RTKN: variants seen among roughly 807,000 people sequenced by gnomAD.
RTKN encodes rhotekin.
In RTKN, 49 loss-of-function variants were observed where a neutral mutation model predicts 63.5. That is an observed-to-expected ratio of 0.77 (90% CI 0.61 to 0.98). The LOEUF is 0.98. Ranked by LOEUF, RTKN falls within the 50% of genes least tolerant of loss-of-function variation. The pLI is 0.00. For missense variants in RTKN, 685 were observed against 740.8 expected (o/e 0.92, Z 0.87); for synonymous variants, 295 against 290.4 (o/e 1.02, Z -0.16).
rs577888188 is a variant in RTKN at position 74,436,935 on chromosome 2, C to T, written c.112-4269G>A. The stretch of plus-strand genomic sequence containing the variant: ...GGGCAGCATTTCCCCTGGGAAAGAG[C>T]GCAGAGCTGGGTGTCAGCTGGACCC... On this transcript the variant is annotated intron_variant, in intron 1 of 11. Transcript: ENST00000272430. The surrounding 1 kb of genome is among the most constrained non-coding windows in gnomAD (Gnocchi z 4.3). 7.2e-5 allele frequency among the ~76,000 whole-genome samples: 11 copies of T among 152,156 alleles called. No homozygotes were observed. Among genetic ancestry groups the T allele is most frequent in the South Asian group, 6.2e-4 (3 of 4,832 alleles).
At chr2:74,431,649 G>A (rs925367321) in intron 2 of RTKN, 2 of 152,406 alleles carry the variant, frequency 1.3e-5, no homozygotes, top group African/African-American at 4.8e-5. Context: ...TAGCCATACA[G>A]TGGGTTTTCT....
chr2:74,427,261 T>G lies in RTKN; in HGVS notation c.1268A>C (p.Gln423Pro). The G allele has an allele frequency of 6.2e-7, 1 of 1,614,190 alleles. No individual in the cohort carries two copies. Among genetic ancestry groups the G allele is most frequent in the South Asian group, 1.1e-5 (1 of 91,084 alleles). The change falls in exon 11 of 12, where the codon CAG becomes CCG. Residue 423 changes from glutamine to proline, a missense_variant. Transcript: ENST00000272430. ...QLFFDMSQWK[Q>P]CCDEIMKIET... ...AATTTTCATGATTTCATCACAGCAC[T>G]GCTTCCATTGGCCTGGAAGAAGAGC...
intron 5 of RTKN, 51 bp from the exon 6 acceptor site, chr2:74,430,088 AGGGTAGGGGAT>A (rs780314339): frequency 6.2e-7 from 1 of 1,600,276 alleles, no homozygotes; most frequent in Non-Finnish European, 8.6e-7. Flanking sequence ...AGGGAGGCAG[AGGGTAGGGGAT>A]GTGGGTGAGG....
rs555005934 is a variant in RTKN, at chr2:74,432,965, C to T, written c.112-299G>A. Among the ~76,000 whole-genome samples, 21 of 152,166 alleles carry T rather than the reference C, an allele frequency of 1.4e-4. 1 individual carries two copies. The highest frequency in any genetic ancestry group is 1.0e-3 in the South Asian group (5 of 4,820). ...CACCTCTAAAAAAATATATAACAGC[C>T]GGGCACGGTGGCTCACGCCTGTAAT... On this transcript the variant is annotated intron_variant, in intron 1 of 11. Transcript: ENST00000272430.
At chr2:74,438,216 C>G (rs1471787852) in intron 1 of RTKN, among the ~76,000 whole-genome samples, 1 of 152,180 alleles carries the variant, frequency 6.6e-6, no homozygotes, top group Non-Finnish European at 1.5e-5. Flanking sequence ...AGCCACACCA[C>G]CCAGTTGCTT....
intron 1 of RTKN, among the ~76,000 whole-genome samples, chr2:74,438,604 A>G (rs1671181193): frequency 6.6e-6 from 1 of 152,226 alleles, no homozygotes; most frequent in Admixed American, 6.5e-5. Flanking sequence ...AAGGCCCTGC[A>G]TGATCTGGCC....
intron 1 of RTKN, chr2:74,439,567 A>G (rs1278109787): frequency 6.2e-7 from 1 of 1,614,056 alleles, no homozygotes; most frequent in Non-Finnish European, 8.5e-7. Context: ...GCTGAGTGCC[A>G]TCTGCCGAAT....
chr2:74,438,806 G>C (rs1247232939), intron 1 of RTKN, among the ~76,000 whole-genome samples: 2 of 152,054 alleles, frequency 1.3e-5, no homozygotes, highest in Non-Finnish European at 2.9e-5. Flanking sequence ...ATCTAACATT[G>C]CCTCCCTCAT....
At chr2:74,430,773 T>C in intron 2 of RTKN, 96 bp from the exon 3 acceptor site, 1 of 1,249,220 alleles carries the variant, frequency 8.0e-7, no homozygotes, top group Non-Finnish European at 1.1e-6. Context: ...TCCCAGCGCC[T>C]CAGCCACCAG....
At chr2:74,441,009 C>T (rs975841731) in intron 1 of RTKN, among the ~76,000 whole-genome samples, 8 of 152,252 alleles carry the variant, frequency 5.3e-5, no homozygotes, top group African/African-American at 1.4e-4. Context: ...TCTCAGTCCC[C>T]GCTCAACCAC....
At position 74,426,476 on chromosome 2, in the gene RTKN, T is replaced by C. The variant is rs751702065; in HGVS notation, c.1459A>G (p.Thr487Ala). The C allele has an allele frequency of 6.2e-7, 1 of 1,605,144 alleles. No individual in the cohort carries two copies. Among genetic ancestry groups the C allele is most frequent in the Non-Finnish European group, 8.5e-7 (1 of 1,174,382 alleles). ...GGGTTAGGCAGGGCAGGCTGGTCTG[T>C]AAACATTGCCAGCCAGGGTGGGGGT... ...ETPPPWLAMF[T>A]DQPALPNPCS... The change falls in exon 12 of 12, where the codon ACA becomes GCA. Residue 487 changes from threonine to alanine, a missense_variant. Physicochemically the swap from Thr to Ala is moderately conservative, Grantham distance 58. Coordinates refer to ENST00000272430, the MANE Select transcript of RTKN (RefSeq NM_001015055.2).
intron 1 of RTKN, among the ~76,000 whole-genome samples, chr2:74,434,036 G>A (rs997719397): frequency 6.6e-6 from 1 of 152,032 alleles, no homozygotes; most frequent in Non-Finnish European, 1.5e-5. Flanking sequence ...CATAGATATA[G>A]ATATGCATGT....
Position 74,441,741 on chromosome 2 carries a change from G to A in RTKN, c.76C>T (p.Arg26Cys). The change falls in exon 1 of 12, where the codon CGC becomes TGC. Residue 26 changes from arginine (R) to cysteine (C), a missense_variant. Arg to Cys is a radical substitution (Grantham distance 180). Transcript: ENST00000272430. Reference protein sequence around the residue: ...SALEMEFKRGRFRLSLFSDLP... With the variant: ...SALEMEFKRGCFRLSLFSDLP... ...TCGCTGAAGAGGCTGAGTCGGAAGC[G>A]GCCGCGTTTGAACTCCATCTCCAGG... The A allele has an allele frequency of 1.2e-6, 2 of 1,611,830 alleles. No individual in the cohort carries two copies. The highest frequency in any genetic ancestry group is 1.3e-5 in the African/African-American group (1 of 75,034).
At chr2:74,433,994 GAT>G (rs1004864334) in intron 1 of RTKN, among the ~76,000 whole-genome samples, 2 of 151,588 alleles carry the variant, frequency 1.3e-5, no homozygotes, top group East Asian at 3.9e-4. Context: ...ATTTGTGCAT[GAT>G]ATATATATAT....
At chr2:74,427,734 G>A (rs2268420) in intron 9 of RTKN, 142 bp from the exon 10 acceptor site, 58,404 of 854,890 alleles carry the variant, frequency 0.068, 4,207 homozygotes, top group East Asian at 0.35. Context: ...ACCAGAGTAG[G>A]AAGGAATGGC....
chr2:74,434,093 A>G (rs1275906112), intron 1 of RTKN, among the ~76,000 whole-genome samples: 1 of 151,978 alleles, frequency 6.6e-6, no homozygotes, highest in Non-Finnish European at 1.5e-5. Flanking sequence ...CCAGGGATGG[A>G]AAACATTTAT....
chr2:74,428,505 C>A, intron 8 of RTKN, 109 bp from the exon 9 acceptor site: 1 of 1,585,662 alleles, frequency 6.3e-7, no homozygotes, highest in Non-Finnish European at 8.6e-7. Flanking sequence ...TCCATTCCTC[C>A]CCTCGTCTGG....
chr2:74,440,220 G>T, intron 1 of RTKN: 1 of 497,782 alleles, frequency 2.0e-6, no homozygotes. Context: ...AGCCACACAG[G>T]TGAGGACCTC....
chr2:74,428,202 T>C, intron 9 of RTKN, 66 bp downstream of exon 9: 1 of 1,610,616 alleles, frequency 6.2e-7, no homozygotes, highest in Non-Finnish European at 8.5e-7. Context: ...CCCACCCTCC[T>C]GGGGCCTGAA....
Sources: gnomAD v4.1 joint callset for allele counts (sites outside exome capture counted in the v4.1 genomes callset) on GRCh38, gnomAD v4.1.1 for gene constraint, Gnocchi (gnomAD v3.1) non-coding constraint, MANE v1.5 for transcripts, NCBI Gene and HGNC (gene_info 2026-07-23, HGNC 2026-07-21) for gene names.